Variants in UNC13C observed in about 807,000 individuals in gnomAD.
UNC13C encodes unc-13 homolog C.
A neutral mutation model predicts 245.4 loss-of-function variants in UNC13C; 174 were observed. The observed-to-expected ratio is 0.71, with a 90% CI of 0.63 to 0.80. The LOEUF is 0.80. UNC13C is among the 30% of genes least tolerant of loss of function. The probability of loss-of-function intolerance (pLI) is 0.00; values close to 1 mark genes in which losing one functional copy is unlikely to be tolerated. For synonymous variants in UNC13C, 992 were observed against 895.1 expected, an observed-to-expected ratio of 1.11 and a Z score of -1.93; for missense variants, 2,829 against 2,602.9, an observed-to-expected ratio of 1.09 and a Z score of -1.89.
intron 30 of UNC13C, among the ~76,000 whole-genome samples, chr15:54,583,725 A>G (rs1179873710): frequency 6.6e-6 from 1 of 152,184 alleles, no homozygotes; most frequent in Admixed American, 6.5e-5. Context: ...GTCTCACTGT[A>G]TCACCTCTGG....
chr15:54,445,175 A>G (rs1890739532), intron 19 of UNC13C, among the ~76,000 whole-genome samples: 1 of 152,086 alleles, frequency 6.6e-6, no homozygotes, highest in Admixed American at 6.6e-5. Flanking sequence ...ATAGTATTCC[A>G]CGGTGTATAT....
intron 2 of UNC13C, among the ~76,000 whole-genome samples, chr15:54,119,148 C>T (rs1194005263): frequency 1.3e-5 from 2 of 151,416 alleles, no homozygotes; most frequent in Admixed American, 6.6e-5. Context: ...TTTCTTTGAT[C>T]GGAGACTTTT....
intron 30 of UNC13C, among the ~76,000 whole-genome samples, chr15:54,614,476 G>A (rs567277861): frequency 3.2e-4 from 48 of 152,102 alleles, no homozygotes; most frequent in African/African-American, 1.1e-3. Context: ...GAATACTTTT[G>A]TGTGGTAGTC....
intron 2 of UNC13C, among the ~76,000 whole-genome samples, chr15:54,060,539 C>G (rs1008748388): frequency 1.3e-5 from 2 of 152,130 alleles, no homozygotes; most frequent in Non-Finnish European, 2.9e-5. Context: ...ACTAGTTCAA[C>G]CATTGTGGAA....
At chr15:54,170,959 G>A (rs995774145) in intron 4 of UNC13C, among the ~76,000 whole-genome samples, 1 of 152,110 alleles carries the variant, frequency 6.6e-6, no homozygotes, top group Non-Finnish European at 1.5e-5. Context: ...TTTACAAAAG[G>A]ACTATTCACA....
intron 13 of UNC13C, among the ~76,000 whole-genome samples, chr15:54,309,838 C>T (rs1036436270): frequency 6.6e-6 from 1 of 151,824 alleles, no homozygotes; most frequent in Non-Finnish European, 1.5e-5. Flanking sequence ...GCCCTCTATT[C>T]TGTTCCATTA....
rs537913989 is a variant in UNC13C at position 54,013,174 on chromosome 15, A to T, written c.271A>T (p.Thr91Ser). The change falls in exon 2 of 33, where the codon ACA becomes TCA. Residue 91 changes from threonine (T) to serine (S), a missense_variant. Transcript: ENST00000260323. Reference sequence around the variant, plus strand: ...CAGTAAAGAGTTTTCCCTCTCACCAACATTCAGTTACCGAGTAGCTATTGC... The same window carrying T: ...CAGTAAAGAGTTTTCCCTCTCACCATCATTCAGTTACCGAGTAGCTATTGC... ...EASKEFSLSP[T>S]FSYRVAIANG... is the part of the protein sequence containing the mutation. The T allele has an allele frequency of 2.5e-6, 4 of 1,613,830 alleles. No homozygotes were observed. In the South Asian group the frequency reaches 4.4e-5, roughly 18 times the overall value.
At chr15:54,024,681 G>A (rs1167244401) in intron 2 of UNC13C, among the ~76,000 whole-genome samples, 1 of 152,080 alleles carries the variant, frequency 6.6e-6, no homozygotes, top group Non-Finnish European at 1.5e-5. Flanking sequence ...CACTTTGGGA[G>A]GCCGAGGCGG....
At chr15:54,523,844 G>A (rs1480359231) in intron 24 of UNC13C, among the ~76,000 whole-genome samples, 1 of 152,190 alleles carries the variant, frequency 6.6e-6, no homozygotes, top group Non-Finnish European at 1.5e-5. Flanking sequence ...GCAGGAAGTG[G>A]AGAGCCTGAA....
At chr15:54,106,192 G>A (rs1280231569) in intron 2 of UNC13C, among the ~76,000 whole-genome samples, 1 of 152,090 alleles carries the variant, frequency 6.6e-6, no homozygotes, top group East Asian at 1.9e-4. Flanking sequence ...TTGAAATAAA[G>A]AATTGTAAGA....
In UNC13C at chr15:54,408,186, T is replaced by C. The variant is rs529283144; in HGVS notation, c.4848-6796T>C. ...CTGCACTCCAGCCTGGGTGACAGAGTGAGACTCTGCCTCAAAAAAAAAAAA... is the reference window on the plus strand; with the variant it reads ...CTGCACTCCAGCCTGGGTGACAGAGCGAGACTCTGCCTCAAAAAAAAAAAA... On this transcript the variant is annotated intron_variant, in intron 18 of 32. Transcript: ENST00000260323. Among the ~76,000 whole-genome samples the C allele has an allele frequency of 2.7e-3, 233 of 85,606 alleles. 1 individual carries two copies. Among genetic ancestry groups the C allele is most frequent in the Admixed American group, 6.1e-3 (35 of 5,724 alleles). 56.2% of individuals were successfully genotyped at this position (85,606 alleles called of 152,430 possible). A position where few individuals can be genotyped will look rare whatever the true frequency, so the allele number is the denominator to read the frequency against.
chr15:54,020,463 TA>T (rs369322249), intron 2 of UNC13C, among the ~76,000 whole-genome samples: 4,544 of 105,852 alleles, frequency 0.043, 346 homozygotes, highest in African/African-American at 0.15. Context: ...TTTTTTTTTT[TA>T]ATTAGAGATG....
At chr15:53,902,141 G>A in the UNC13C span, among the ~76,000 whole-genome samples, 15 of 151,890 alleles carry the variant, frequency 9.9e-5, no homozygotes, top group African/African-American at 3.1e-4. Flanking sequence ...TCCTCATAGC[G>A]TATAATAATA....
intron 4 of UNC13C, among the ~76,000 whole-genome samples, chr15:54,212,265 T>C (rs2034903337): frequency 6.6e-6 from 1 of 152,094 alleles, no homozygotes; most frequent in East Asian, 1.9e-4. Flanking sequence ...AGAGGTGTTA[T>C]GGACAAACAC....
chr15:54,196,220 C>A (rs1275160032), intron 4 of UNC13C, among the ~76,000 whole-genome samples: 3 of 152,036 alleles, frequency 2.0e-5, no homozygotes, highest in African/African-American at 7.2e-5. Context: ...GAACTTTTTA[C>A]AGGTCAAGCA....
At chr15:54,170,981 T>C (rs568904112) in intron 4 of UNC13C, among the ~76,000 whole-genome samples, 159 of 152,282 alleles carry the variant, frequency 1.0e-3, no homozygotes, top group Non-Finnish European at 2.0e-3. Flanking sequence ...AGTCCACGTG[T>C]ACAAAAATCA....
the UNC13C span, among the ~76,000 whole-genome samples, chr15:53,962,441 T>C: frequency 6.6e-6 from 1 of 152,190 alleles, no homozygotes; most frequent in Admixed American, 6.6e-5. Flanking sequence ...TTCAAGTATA[T>C]TATTTGAAAT....
At chr15:54,105,627 CT>C (rs1317670719) in intron 2 of UNC13C, among the ~76,000 whole-genome samples, 1 of 145,834 alleles carries the variant, frequency 6.9e-6, no homozygotes, top group Non-Finnish European at 1.5e-5. Flanking sequence ...ACACTATTAA[CT>C]ACACATGAAA....
At chr15:54,368,951 T>A (rs918821886) in intron 17 of UNC13C, among the ~76,000 whole-genome samples, 3 of 152,118 alleles carry the variant, frequency 2.0e-5, no homozygotes, top group Non-Finnish European at 4.4e-5. Context: ...GACATAACCA[T>A]GTTAAACAAT....
Sources: gnomAD v4.1 joint callset for allele counts (sites outside exome capture counted in the v4.1 genomes callset) on GRCh38, gnomAD v4.1.1 for gene constraint, MANE v1.5 for transcripts, NCBI Gene and HGNC (gene_info 2026-07-23, HGNC 2026-07-21) for gene names.